The following CETP variants were observed in gnomAD, a reference collection of about 807,000 sequenced individuals.
CETP encodes BPI fold containing family F.
A neutral mutation model predicts 66.5 loss-of-function variants in CETP; 56 were observed. The observed-to-expected ratio is 0.84, with a 90% CI of 0.68 to 1.05. The LOEUF (loss-of-function observed/expected upper bound fraction) is 1.05, where lower values mean the gene tolerates loss of function less well. CETP is among the 50% of genes least tolerant of loss of function. CETP has a pLI of 0.00. For missense variants in CETP, 612 were observed against 609.6 expected (o/e 1.00, Z -0.04); for synonymous variants, 251 against 245.7 (o/e 1.02, Z -0.20).
Position 56,983,572 on chromosome 16 carries a change from C to G in CETP, c.1408-20C>G, listed in dbSNP as rs35928970. On this transcript the variant is annotated intron_variant, in intron 15 of 15. Transcript: ENST00000200676. Reference sequence around the variant, plus strand: ...GAGTCAGCCCAGCTCGCCCCTCTCTCCTACTGCCCCTCCCTTCAGGGCTTC... The same window carrying G: ...GAGTCAGCCCAGCTCGCCCCTCTCTGCTACTGCCCCTCCCTTCAGGGCTTC... 17 of 1,613,948 alleles carry G rather than the reference C, an allele frequency of 1.1e-5. No homozygotes were observed. In the Admixed American group the frequency reaches 2.8e-4, roughly 27 times the overall value.
At chr16:56,964,149 C>T (rs1192494647) in intron 2 of CETP, among the ~76,000 whole-genome samples, 4 of 151,956 alleles carry the variant, frequency 2.6e-5, no homozygotes, top group Non-Finnish European at 4.4e-5. Flanking sequence ...GCCTCAGCCT[C>T]CCTAGTAGCT....
At chr16:56,964,236 T>A (rs961736163) in intron 2 of CETP, among the ~76,000 whole-genome samples, 10 of 150,688 alleles carry the variant, frequency 6.6e-5, no homozygotes, top group African/African-American at 2.2e-4. Flanking sequence ...CATGTTGACC[T>A]GGTTGGTCTT....
chr16:56,965,737 A>G (rs568133390), intron 2 of CETP, among the ~76,000 whole-genome samples: 1 of 151,980 alleles, frequency 6.6e-6, no homozygotes, highest in African/African-American at 2.4e-5. Flanking sequence ...GCCCTGGGGG[A>G]GAGTTCAGCA....
Position 56,969,651 on chromosome 16 carries a change from G to A in CETP, c.409G>A (p.Ala137Thr), listed in dbSNP as rs1596998893. The part of the protein sequence containing the change: ...DQSIDFEIDS[A>T]IDLQINTQLT... ...GTCCATTGACTTCGAGATCGACTCTGCCATTGACCTCCAGATCAACACACA... is the reference window on the plus strand; with the variant it reads ...GTCCATTGACTTCGAGATCGACTCTACCATTGACCTCCAGATCAACACACA... The change falls in exon 4 of 16, where the codon GCC (alanine) becomes ACC (threonine). Residue 137 changes from alanine (A) to threonine (T), a missense_variant. Transcript: ENST00000200676. The A allele has an allele frequency of 6.2e-7, 1 of 1,614,038 alleles. No homozygotes were observed. Among genetic ancestry groups the A allele is most frequent in the African/African-American group, 1.3e-5 (1 of 75,020 alleles).
At chr16:56,983,261 G>T in intron 14 of CETP, 65 bp from the exon 15 acceptor site, 1 of 1,330,234 alleles carries the variant, frequency 7.5e-7, no homozygotes. Flanking sequence ...TACCCAGGGT[G>T]GCAGAGCCTC....
In CETP at chr16:56,963,027, A is replaced by C. The variant is rs775077692; in HGVS notation, c.136A>C (p.Lys46Gln). ...ALLVLNHETA[K>Q]VIQTAFQRAS... ...CCCTCTAGTGAACCACGAGACTGCC[A>C]AGGTGATCCAGACCGCCTTCCAGCG... Residue 46 changes from lysine (K) to glutamine (Q), a missense_variant, in exon 2 of 16, where the codon AAG (lysine) becomes CAG (glutamine). Transcript: ENST00000200676. 1 of 1,614,016 alleles carries C rather than the reference A, an allele frequency of 6.2e-7. No homozygotes were observed. Among genetic ancestry groups the C allele is most frequent in the Non-Finnish European group, 8.5e-7 (1 of 1,179,994 alleles).
At chr16:56,981,878 G>A (rs573354308) in intron 13 of CETP, among the ~76,000 whole-genome samples, 198 bp downstream of exon 13, 63 of 152,242 alleles carry the variant, frequency 4.1e-4, no homozygotes, top group African/African-American at 1.5e-3. Flanking sequence ...AAAAATGAGA[G>A]TGTGGTGGTA....
chr16:56,978,265 G>C lies in CETP; in HGVS notation c.1146+10G>C. Reference sequence around the variant, plus strand: ...TTACACATTTGAAGAGGTGAGGCGGGTGCAGGGAGAGGTGGTGGTGGGGGA... The same window carrying C: ...TTACACATTTGAAGAGGTGAGGCGGCTGCAGGGAGAGGTGGTGGTGGGGGA... On this transcript the variant is annotated intron_variant, in intron 11 of 15. Coordinates refer to ENST00000200676, the MANE Select transcript of CETP (RefSeq NM_000078.3). 6.2e-7 allele frequency: 1 copy of C among 1,614,040 alleles called. No homozygotes were observed. The highest frequency in any genetic ancestry group is 1.1e-5 in the South Asian group (1 of 91,070).
chr16:56,973,251 G>A, intron 8 of CETP, 80 bp from the exon 9 acceptor site: 1 of 1,447,548 alleles, frequency 6.9e-7, no homozygotes, highest in South Asian at 1.1e-5. Context: ...GAATGCTGGG[G>A]CTCCTCCCAA....
intron 10 of CETP, 96 bp downstream of exon 10, chr16:56,975,247 G>A (rs1597003220): frequency 1.9e-6 from 2 of 1,047,474 alleles, no homozygotes. Flanking sequence ...ACCACCAATG[G>A]CAACAATTAT....
At chr16:56,962,950 G>A in intron 1 of CETP, 60 bp from the exon 2 acceptor site, 1 of 1,458,476 alleles carries the variant, frequency 6.9e-7, no homozygotes, top group South Asian at 1.1e-5. Context: ...GCCAGTTGGG[G>A]GTGGGAGCAG....
At position 56,978,263 on chromosome 16, in the gene CETP, G is replaced by T. The variant is rs200031544; in HGVS notation, c.1146+8G>T. On this transcript the variant is annotated splice_region_variant and intron_variant, in intron 11 of 15. Coordinates refer to ENST00000200676, the MANE Select transcript of CETP (RefSeq NM_000078.3). ...GCTTACACATTTGAAGAGGTGAGGCGGGTGCAGGGAGAGGTGGTGGTGGGG... is the reference window on the plus strand; with the variant it reads ...GCTTACACATTTGAAGAGGTGAGGCTGGTGCAGGGAGAGGTGGTGGTGGGG... 1.9e-6 allele frequency: 3 copies of T among 1,614,008 alleles called. No individual in the cohort carries two copies. The highest frequency in any genetic ancestry group is 1.7e-6 in the Non-Finnish European group (2 of 1,179,978).
At chr16:56,969,546 C>G (rs560845897) in intron 3 of CETP, 26 bp downstream of exon 3, 1 of 1,614,128 alleles carries the variant, frequency 6.2e-7, no homozygotes, top group African/African-American at 1.3e-5. Flanking sequence ...AGCTGATGCC[C>G]CATGCCCTGG....
chr16:56,977,314 G>A (rs1292354640), intron 10 of CETP, among the ~76,000 whole-genome samples: 4 of 152,154 alleles, frequency 2.6e-5, no homozygotes, highest in African/African-American at 9.7e-5. Context: ...CTTGAGCCCA[G>A]TCCCACAGGC....
chr16:56,962,923 G>T (rs1057472493), intron 1 of CETP, 87 bp from the exon 2 acceptor site: 1 of 1,156,484 alleles, frequency 8.6e-7, no homozygotes, highest in Non-Finnish European at 1.3e-6. Context: ...TCTCAGAGAG[G>T]CTGAGTCATG....
chr16:56,964,754 C>T (rs1391418109), intron 2 of CETP, among the ~76,000 whole-genome samples: 3 of 152,236 alleles, frequency 2.0e-5, no homozygotes, highest in Admixed American at 6.5e-5. Flanking sequence ...AGGAAAACTC[C>T]CGCCGCTAGC....
intron 14 of CETP, 34 bp from the exon 15 acceptor site, chr16:56,983,289 CAAG>C: frequency 6.2e-7 from 1 of 1,601,490 alleles, no homozygotes; most frequent in South Asian, 1.1e-5. Context: ...CCTTGCTCCC[CAAG>C]AAGGGCTGAC....
chr16:56,964,441 T>G (rs996629720), intron 2 of CETP, among the ~76,000 whole-genome samples: 13 of 152,210 alleles, frequency 8.5e-5, no homozygotes, highest in African/African-American at 3.1e-4. Flanking sequence ...TTTAGCAGCC[T>G]GGCGGAGCTC....
At chr16:56,976,073 T>C (rs2033254) in intron 10 of CETP, among the ~76,000 whole-genome samples, 51,344 of 152,090 alleles carry the variant, frequency 0.34, 8,973 homozygotes, top group African/African-American at 0.37. Flanking sequence ...CCTGACCGGC[T>C]CTTCTCCCTT....
Sources: allele counts gnomAD v4.1 joint callset (sites outside exome capture counted in the v4.1 genomes callset), GRCh38; gene constraint gnomAD v4.1.1; transcripts MANE v1.5; gene names NCBI Gene and HGNC (gene_info 2026-07-23, HGNC 2026-07-21).